ITGA4: variants seen among roughly 807,000 people sequenced by gnomAD.
ITGA4 encodes integrin alpha-4.
In ITGA4, 63 loss-of-function variants were observed where a neutral mutation model predicts 133.6. That is an observed-to-expected ratio of 0.47 (90% CI 0.38 to 0.58). ITGA4 has a LOEUF of 0.58. ITGA4 is among the 20% of genes least tolerant of loss of function. ITGA4 has a pLI of 0.00. For synonymous variants in ITGA4, 483 were observed against 438.0 expected, an observed-to-expected ratio of 1.10 and a Z score of -1.28; for missense variants, 1,076 against 1,252.7, an observed-to-expected ratio of 0.86 and a Z score of 2.13.
chr2:181,514,885 T>C (rs1686576016), intron 17 of ITGA4, among the ~76,000 whole-genome samples: 1 of 152,134 alleles, frequency 6.6e-6, no homozygotes, highest in Non-Finnish European at 1.5e-5. Flanking sequence ...AATATCTGCT[T>C]TGCATTTTTA....
chr2:181,537,739 TAAAA>T lies in ITGA4; in HGVS notation c.*2217_*2220del, dbSNP rs748981170. 2.3e-6 allele frequency: 1 copy of T among 440,922 alleles called. No homozygotes were observed. Among genetic ancestry groups the T allele is most frequent in the East Asian group, 7.0e-5 (1 of 14,254 alleles). The allele number at this position is 440,922 out of a possible 1,614,324, so 27.3% of individuals were successfully genotyped here. A position where few individuals can be genotyped will look rare whatever the true frequency, so the allele number is the denominator to read the frequency against. On this transcript the variant is annotated 3_prime_UTR_variant, in exon 28 of 28. Coordinates refer to ENST00000397033, the MANE Select transcript of ITGA4 (RefSeq NM_000885.6). Reference sequence around the variant, plus strand: ...TTTTGTGTGTCCAATAAACACATTGTAAAAAAAAGAATTTGAATTGATATCTAAA... The same window carrying T: ...TTTTGTGTGTCCAATAAACACATTGTAAAAGAATTTGAATTGATATCTAAA...
intron 15 of ITGA4, among the ~76,000 whole-genome samples, chr2:181,505,900 G>C (rs149862822): frequency 5.3e-5 from 8 of 152,082 alleles, no homozygotes; most frequent in Admixed American, 1.3e-4. Context: ...CTACACCTAG[G>C]GAATGATTTA....
chr2:181,463,526 C>T (rs898903635), intron 2 of ITGA4, among the ~76,000 whole-genome samples: 1 of 152,044 alleles, frequency 6.6e-6, no homozygotes, highest in Non-Finnish European at 1.5e-5. Flanking sequence ...TAGGAGATAG[C>T]ACTTGGTAAT....
intron 2 of ITGA4, among the ~76,000 whole-genome samples, chr2:181,466,095 G>A (rs564430873): frequency 3.3e-5 from 5 of 152,160 alleles, no homozygotes; most frequent in South Asian, 2.1e-4. Context: ...ACTTGCGTAC[G>A]TTTTCTGTGG....
In ITGA4 at chr2:181,509,183, C is replaced by G. The variant is rs917852440; in HGVS notation, c.1696-475C>G. Among the ~76,000 whole-genome samples, 3 of 79,320 alleles carry G rather than the reference C, an allele frequency of 3.8e-5. No individual in the cohort carries two copies. In the East Asian group the frequency reaches 1.2e-3, roughly 32 times the overall value. The allele number at this position is 79,320 out of a possible 152,430, so 52.0% of individuals were successfully genotyped here. A position where few individuals can be genotyped will look rare whatever the true frequency, so the allele number is the denominator to read the frequency against. On this transcript the variant is annotated intron_variant, in intron 15 of 27. Transcript: ENST00000397033. Reference sequence around the variant, plus strand: ...AAAAAAAAAAAAAAAAAAAAAAAAACTAAAAAGGATGTTTTATAATAAATC... The same window carrying G: ...AAAAAAAAAAAAAAAAAAAAAAAAAGTAAAAAGGATGTTTTATAATAAATC...
intron 24 of ITGA4, among the ~76,000 whole-genome samples, chr2:181,531,134 TTA>T (rs913713560): frequency 2.4e-4 from 37 of 151,078 alleles, no homozygotes; most frequent in African/African-American, 7.7e-4. Flanking sequence ...AAAAAAAATG[TTA>T]TACAGTTTCA....
intron 15 of ITGA4, among the ~76,000 whole-genome samples, chr2:181,500,501 AAAG>A (rs1416937288): frequency 6.6e-6 from 1 of 152,156 alleles, no homozygotes; most frequent in African/African-American, 2.4e-5. Context: ...TCTTCCTAGA[AAAG>A]AAGACGCATA....
At chr2:181,469,471 T>G (rs890690825) in intron 2 of ITGA4, among the ~76,000 whole-genome samples, 3 of 152,142 alleles carry the variant, frequency 2.0e-5, no homozygotes, top group Non-Finnish European at 4.4e-5. Context: ...TTGATGGGAC[T>G]GTAAACTAGT....
chr2:181,485,859 T>C (rs746514227), intron 9 of ITGA4, 22 bp from the exon 10 acceptor site: 1 of 1,575,570 alleles, frequency 6.3e-7, no homozygotes, highest in Non-Finnish European at 8.6e-7. Flanking sequence ...TAATGACACG[T>C]TTTCTCTCCC....
intron 10 of ITGA4, among the ~76,000 whole-genome samples, chr2:181,491,112 A>T (rs1203368597): frequency 1.3e-5 from 2 of 152,214 alleles, no homozygotes; most frequent in African/African-American, 4.8e-5. Flanking sequence ...CAGAGATTGA[A>T]TATACCCAAG....
At chr2:181,490,567 A>G (rs1686030282) in intron 10 of ITGA4, among the ~76,000 whole-genome samples, 2 of 150,428 alleles carry the variant, frequency 1.3e-5, no homozygotes, top group East Asian at 1.9e-4. Flanking sequence ...CAGAACAGGA[A>G]TTGGTATTAG....
At chr2:181,493,707 A>G (rs1303242089) in intron 11 of ITGA4, among the ~76,000 whole-genome samples, 3 of 152,220 alleles carry the variant, frequency 2.0e-5, no homozygotes, top group African/African-American at 4.8e-5. Context: ...GGTAATATCC[A>G]TATGATTCTA....
At position 181,525,254 on chromosome 2, in the gene ITGA4, A is replaced by C; in HGVS notation, c.2302A>C (p.Ile768Leu). The C allele has an allele frequency of 6.2e-7, 1 of 1,606,876 alleles. No homozygotes were observed. Residue 768 changes from isoleucine to leucine, a missense_variant, in exon 21 of 28, where the codon ATA (isoleucine) becomes CTA (leucine). Transcript: ENST00000397033. ...AAAGCACAGCAGAGTGACTGTAGCA[A>C]TACCTTTAAAATATGAGGTTAAGCT... ...NLKHSRVTVA[I>L]PLKYEVKLTV...
rs574259608 is a variant in ITGA4, at chr2:181,493,531, A to T, written c.1248+112A>T. ...TAATTTTCTCATTCAAATACTTAAC[A>T]CTTTATTTCACCGTTTACTTATAGT... is the stretch of plus-strand genomic sequence containing the variant. On this transcript the variant is annotated intron_variant, in intron 11 of 27. Coordinates refer to ENST00000397033, the MANE Select transcript of ITGA4 (RefSeq NM_000885.6). 74 of 565,346 alleles carry T rather than the reference A, an allele frequency of 1.3e-4. No individual in the cohort carries two copies. The African/African-American group carries it at 1.4e-3, about 11-fold the overall frequency. 35.0% of individuals were successfully genotyped at this position (565,346 alleles called of 1,614,324 possible). A position where few individuals can be genotyped will look rare whatever the true frequency, so the allele number is the denominator to read the frequency against.
intron 10 of ITGA4, 151 bp downstream of exon 10, chr2:181,486,143 T>TG: frequency 1.1e-6 from 1 of 910,410 alleles, no homozygotes; most frequent in South Asian, 2.0e-5. Context: ...GTGTTATATA[T>TG]GACTTCTCCT....
At chr2:181,524,378 TA>T in intron 20 of ITGA4, 128 bp downstream of exon 20, 1 of 550,256 alleles carries the variant, frequency 1.8e-6, no homozygotes, top group Non-Finnish European at 3.2e-6. Flanking sequence ...GGTATGCTTT[TA>T]AAAGAACCAA....
chr2:181,477,014 T>C (rs1685692393), intron 4 of ITGA4, among the ~76,000 whole-genome samples: 1 of 152,118 alleles, frequency 6.6e-6, no homozygotes, highest in Non-Finnish European at 1.5e-5. Context: ...AAAAACTACC[T>C]ATCAGGTACT....
intron 2 of ITGA4, among the ~76,000 whole-genome samples, chr2:181,466,669 G>A (rs1428326834): frequency 1.3e-5 from 2 of 152,120 alleles, no homozygotes; most frequent in African/African-American, 2.4e-5. Flanking sequence ...TTAACTAGAT[G>A]TGTGAAAAGA....
intron 2 of ITGA4, among the ~76,000 whole-genome samples, chr2:181,470,069 A>AT (rs1192164714): frequency 4.7e-5 from 7 of 149,348 alleles, no homozygotes; most frequent in African/African-American, 1.8e-4. Context: ...TATAATAATA[A>AT]AAAAAAAAGA....
Sources: gnomAD v4.1 joint callset for allele counts (sites outside exome capture counted in the v4.1 genomes callset) on GRCh38, gnomAD v4.1.1 for gene constraint, MANE v1.5 for transcripts, NCBI Gene and HGNC (gene_info 2026-07-23, HGNC 2026-07-21) for gene names.